Variants in NAA35 observed in about 807,000 individuals in gnomAD.
NAA35 encodes the protein MAK10 homolog, amino-acid N-acetyltransferase subunit.
Under a neutral mutation model 101.7 loss-of-function variants are expected in NAA35, and 18 were observed. That is an observed-to-expected ratio of 0.18 (90% confidence interval 0.12 to 0.26). The LOEUF (loss-of-function observed/expected upper bound fraction) is 0.26. Ranked by LOEUF, NAA35 falls within the 10% of genes least tolerant of loss-of-function variation. NAA35 has a pLI of 1.00. For synonymous variants in NAA35, 267 were observed against 273.1 expected (o/e 0.98, Z 0.22); for missense variants, 601 against 886.8 (o/e 0.68, Z 4.09).
Position 86,024,279 on chromosome 9 carries a change from A to G in NAA35, c.*2319A>G, listed in dbSNP as rs1263149424. ...TGCTGGGAAAAGGGTCCCAGACAGA[A>G]TGTGCACAGGCTTGGAGGGGAGAGG... On this transcript the variant is annotated 3_prime_UTR_variant, in exon 23 of 23. Coordinates refer to ENST00000361671, the MANE Select transcript of NAA35 (RefSeq NM_024635.4). Among the ~76,000 whole-genome samples the G allele has an allele frequency of 6.6e-6, 1 of 152,224 alleles. No individual in the cohort carries two copies. The highest frequency in any genetic ancestry group is 1.5e-5 in the Non-Finnish European group (1 of 68,042).
chr9:85,956,008 G>C (rs1465083759), intron 2 of NAA35, among the ~76,000 whole-genome samples: 2 of 152,222 alleles, frequency 1.3e-5, no homozygotes, highest in Admixed American at 1.3e-4. Flanking sequence ...TTAAAAACTT[G>C]AGAAGTAGCA....
At chr9:85,990,605 T>C (rs1021835651) in intron 11 of NAA35, among the ~76,000 whole-genome samples, 1 of 152,210 alleles carries the variant, frequency 6.6e-6, no homozygotes, top group African/African-American at 2.4e-5. Context: ...AAGGGAACCA[T>C]GTATTTCCAA....
At chr9:86,000,003 A>G in intron 12 of NAA35, among the ~76,000 whole-genome samples, 1 of 152,106 alleles carries the variant, frequency 6.6e-6, no homozygotes, top group Non-Finnish European at 1.5e-5. Flanking sequence ...TTGAGGGTAC[A>G]TGTGAAGGTT....
intron 11 of NAA35, among the ~76,000 whole-genome samples, chr9:85,981,970 C>T (rs1162222910): frequency 1.3e-5 from 2 of 152,122 alleles, no homozygotes; most frequent in African/African-American, 2.4e-5. Flanking sequence ...TTTAGCTTCT[C>T]ATTGAAAGGT....
chr9:85,976,402 T>A (rs553770199), intron 8 of NAA35, among the ~76,000 whole-genome samples: 1 of 152,300 alleles, frequency 6.6e-6, no homozygotes. Flanking sequence ...AAGGAAAATA[T>A]ACTATGTGCC....
At chr9:85,969,202 G>A (rs1829891121) in intron 6 of NAA35, among the ~76,000 whole-genome samples, 2 of 143,594 alleles carry the variant, frequency 1.4e-5, no homozygotes, top group Admixed American at 1.4e-4. Flanking sequence ...TTAGTTTATT[G>A]TTTTGCTTGG....
chr9:86,011,058 C>T (rs771963226), intron 15 of NAA35, among the ~76,000 whole-genome samples: 112 of 150,766 alleles, frequency 7.4e-4, no homozygotes, highest in Non-Finnish European at 8.9e-4. Context: ...GCCTGACCAA[C>T]GTGGAAAAAC....
At chr9:85,989,243 TGG>T in intron 11 of NAA35, among the ~76,000 whole-genome samples, 1 of 151,738 alleles carries the variant, frequency 6.6e-6, no homozygotes, top group East Asian at 1.9e-4. Context: ...GAGGCCAAGG[TGG>T]GCGGATCATG....
chr9:85,957,282 T>G (rs1446159480), intron 3 of NAA35, among the ~76,000 whole-genome samples: 1 of 152,224 alleles, frequency 6.6e-6, no homozygotes, highest in Non-Finnish European at 1.5e-5. Flanking sequence ...GAAAATATAC[T>G]TACTGTTCAT....
At chr9:85,950,335 T>G (rs1828964799) in intron 2 of NAA35, among the ~76,000 whole-genome samples, 1 of 152,220 alleles carries the variant, frequency 6.6e-6, no homozygotes, top group African/African-American at 2.4e-5. Context: ...AACCTCCGTC[T>G]CCTGGGTCCA....
chr9:86,013,514 T>C (rs1832056872), intron 16 of NAA35, among the ~76,000 whole-genome samples: 1 of 152,242 alleles, frequency 6.6e-6, no homozygotes, highest in African/African-American at 2.4e-5. Flanking sequence ...TGATTTGGTT[T>C]AAGGCATGTT....
chr9:86,015,861 T>C (rs1832184305), intron 17 of NAA35: 2 of 791,274 alleles, frequency 2.5e-6, no homozygotes, highest in African/African-American at 1.9e-5. Flanking sequence ...TGAGTTGTTA[T>C]GGACTCTCAC....
chr9:85,943,661 C>T (rs1279646611), intron 2 of NAA35, among the ~76,000 whole-genome samples: 2 of 152,182 alleles, frequency 1.3e-5, no homozygotes, highest in East Asian at 3.8e-4. Flanking sequence ...TGTCAAGTTA[C>T]AGTGTAGTTT....
At chr9:86,010,881 C>T (rs1027574887) in intron 15 of NAA35, among the ~76,000 whole-genome samples, 35 of 151,114 alleles carry the variant, frequency 2.3e-4, no homozygotes, top group African/African-American at 8.5e-4. Flanking sequence ...CTGGCCTAAC[C>T]TTAGAATATT....
chr9:85,955,603 TC>T (rs1829241044), intron 2 of NAA35, among the ~76,000 whole-genome samples: 1 of 152,022 alleles, frequency 6.6e-6, no homozygotes, highest in South Asian at 2.1e-4. Flanking sequence ...GACCTCGTGA[TC>T]CACCCGCCTT....
chr9:86,002,963 G>A (rs1201220664), intron 12 of NAA35, among the ~76,000 whole-genome samples: 3 of 152,098 alleles, frequency 2.0e-5, no homozygotes, highest in Admixed American at 2.0e-4. Flanking sequence ...TCTCATCTCT[G>A]TGTGTGGATG....
chr9:86,011,558 C>T (rs1007210244), intron 15 of NAA35, among the ~76,000 whole-genome samples: 3 of 150,878 alleles, frequency 2.0e-5, no homozygotes, highest in African/African-American at 7.3e-5. Flanking sequence ...ACAGGTTCAC[C>T]CTGTTGGCCA....
intron 2 of NAA35, among the ~76,000 whole-genome samples, chr9:85,951,754 A>G (rs1829027689): frequency 6.6e-6 from 1 of 152,170 alleles, no homozygotes; most frequent in South Asian, 2.1e-4. Context: ...CTCTGGGTTC[A>G]AGGGATTCTC....
At chr9:85,979,813 G>C (rs887140855) in intron 11 of NAA35, among the ~76,000 whole-genome samples, 1 of 152,162 alleles carries the variant, frequency 6.6e-6, no homozygotes, top group African/African-American at 2.4e-5. Flanking sequence ...CCAGCTGGAT[G>C]CCCTCTAATT....
Sources: allele counts gnomAD v4.1 joint callset (sites outside exome capture counted in the v4.1 genomes callset), GRCh38; gene constraint gnomAD v4.1.1; transcripts MANE v1.5; gene names NCBI Gene and HGNC (gene_info 2026-07-23, HGNC 2026-07-21).